Variants in PTPRD observed in about 807,000 individuals in gnomAD.
The protein encoded by PTPRD is protein tyrosine phosphatase receptor type D, also known as receptor-type tyrosine-protein phosphatase delta.
A neutral mutation model predicts 214.5 loss-of-function variants in PTPRD; 34 were observed. The observed-to-expected ratio is 0.16, with a 90% confidence interval of 0.12 to 0.21. The LOEUF is 0.21. PTPRD is among the 10% of genes least tolerant of loss of function. The probability of loss-of-function intolerance (pLI) is 1.00; values close to 1 mark genes in which losing one functional copy is unlikely to be tolerated. For missense variants in PTPRD, 2,545 were observed against 2,398.7 expected, an observed-to-expected ratio of 1.06 and a Z score of -1.27; for synonymous variants, 1,128 against 845.7, an observed-to-expected ratio of 1.33 and a Z score of -5.79.
intron 3 of PTPRD, among the ~76,000 whole-genome samples, chr9:10,245,472 T>C (rs945663181): frequency 6.6e-6 from 1 of 152,182 alleles, no homozygotes; most frequent in Non-Finnish European, 1.5e-5. Flanking sequence ...GTTCAATTAA[T>C]ACTCACTGAT....
chr9:9,986,504 G>A (rs1167795342), intron 4 of PTPRD, among the ~76,000 whole-genome samples: 1 of 152,078 alleles, frequency 6.6e-6, no homozygotes, highest in African/African-American at 2.4e-5. Context: ...GTATGCATGT[G>A]TAAACCCAAA....
chr9:9,735,601 T>C (rs1218708696), intron 6 of PTPRD, among the ~76,000 whole-genome samples: 2 of 152,090 alleles, frequency 1.3e-5, no homozygotes, highest in African/African-American at 4.8e-5. Context: ...TGGTAACAAA[T>C]CATCCCGAAG....
At chr9:10,286,910 T>A (rs1428099672) in intron 3 of PTPRD, among the ~76,000 whole-genome samples, 1 of 152,178 alleles carries the variant, frequency 6.6e-6, no homozygotes, top group Non-Finnish European at 1.5e-5. Flanking sequence ...ACATGTTTGT[T>A]GTTAATGTTG....
chr9:9,202,335 C>T (rs1020675173), intron 9 of PTPRD, among the ~76,000 whole-genome samples: 1 of 152,182 alleles, frequency 6.6e-6, no homozygotes, highest in Admixed American at 6.5e-5. Flanking sequence ...GAATACTTCT[C>T]TTTAATATCC....
intron 12 of PTPRD, among the ~76,000 whole-genome samples, chr9:8,728,082 T>C (rs904907013): frequency 6.6e-6 from 1 of 151,690 alleles, no homozygotes; most frequent in Non-Finnish European, 1.5e-5. Context: ...ACCCTGTCTC[T>C]ACTAAAAACA....
chr9:9,110,536 T>C (rs1293574710), intron 10 of PTPRD, among the ~76,000 whole-genome samples: 2 of 152,156 alleles, frequency 1.3e-5, no homozygotes, highest in Non-Finnish European at 2.9e-5. Flanking sequence ...TTGCTAACCA[T>C]ACCCAGTCCC....
chr9:10,277,586 A>G (rs111465616), intron 3 of PTPRD, among the ~76,000 whole-genome samples: 1,873 of 152,202 alleles, frequency 0.012, 38 homozygotes, highest in African/African-American at 0.042. Flanking sequence ...AAAATTCAAT[A>G]AATACTGGCT....
intron 2 of PTPRD, among the ~76,000 whole-genome samples, chr9:10,475,108 A>G (rs1192420235): frequency 6.6e-6 from 1 of 152,184 alleles, no homozygotes; most frequent in Non-Finnish European, 1.5e-5. Flanking sequence ...TTCAAAAGCT[A>G]GCAGAAGACA....
intron 10 of PTPRD, among the ~76,000 whole-genome samples, chr9:9,149,020 T>C (rs186977761): frequency 6.6e-6 from 1 of 152,280 alleles, no homozygotes; most frequent in East Asian, 1.9e-4. Flanking sequence ...ATTGTAAACT[T>C]ATAATGAAGA....
chr9:8,637,079 T>TG (rs1235078254), intron 12 of PTPRD, among the ~76,000 whole-genome samples: 1 of 152,148 alleles, frequency 6.6e-6, no homozygotes, highest in Non-Finnish European at 1.5e-5. Flanking sequence ...TGCTGAAATC[T>TG]GTATTAAGGT....
At chr9:8,638,625 G>A (rs2096500240) in intron 12 of PTPRD, among the ~76,000 whole-genome samples, 1 of 152,078 alleles carries the variant, frequency 6.6e-6, no homozygotes, top group African/African-American at 2.4e-5. Context: ...TTGCAATGCT[G>A]GTCCTGGAGA....
At position 9,922,823 on chromosome 9, in the gene PTPRD, T is replaced by A. The variant is rs527549953; in HGVS notation, c.-368+15684A>T. Among the ~76,000 whole-genome samples, 14 of 150,440 alleles carry A rather than the reference T, an allele frequency of 9.3e-5. No homozygotes were observed. The South Asian group carries it at 1.3e-3, about 14-fold the overall frequency. ...TGAAAGGCAAGAAAAGCTGGAGAGG[T>A]TTTCCAGATTGAAGGGGACTGAAGA... On this transcript the variant is annotated intron_variant, in intron 5 of 45. Coordinates refer to ENST00000381196, the MANE Select transcript of PTPRD (RefSeq NM_002839.4).
intron 8 of PTPRD, among the ~76,000 whole-genome samples, chr9:9,558,039 T>G (rs772837396): frequency 1.3e-5 from 2 of 152,162 alleles, no homozygotes; most frequent in Non-Finnish European, 2.9e-5. Flanking sequence ...GTCAGCAGCT[T>G]AACTCTTTCT....
At chr9:9,686,106 G>A (rs181826193) in intron 7 of PTPRD, among the ~76,000 whole-genome samples, 87 of 151,358 alleles carry the variant, frequency 5.7e-4, no homozygotes, top group African/African-American at 2.1e-3. Context: ...TGGAGAACTA[G>A]ATGCTCTATA....
At chr9:9,985,067 C>T (rs2095663715) in intron 4 of PTPRD, among the ~76,000 whole-genome samples, 2 of 152,102 alleles carry the variant, frequency 1.3e-5, no homozygotes, top group South Asian at 4.1e-4. Flanking sequence ...AAGACATATA[C>T]CCACATGCAA....
intron 34 of PTPRD, 96 bp downstream of exon 34, chr9:8,449,629 C>T (rs2133444444): frequency 9.0e-7 from 1 of 1,114,250 alleles, no homozygotes; most frequent in Admixed American, 2.3e-5. Flanking sequence ...AACAAAATGG[C>T]TCAAAATAAA....
intron 10 of PTPRD, among the ~76,000 whole-genome samples, chr9:9,170,400 G>C (rs1485889175): frequency 6.6e-6 from 1 of 152,150 alleles, no homozygotes; most frequent in African/African-American, 2.4e-5. Flanking sequence ...TGGGTGGTTT[G>C]ATTTTAGGGA....
rs568460353 is a variant in PTPRD, at chr9:8,748,651, C to T, written c.-103-14705G>A. On this transcript the variant is annotated intron_variant, in intron 11 of 45. Transcript: ENST00000381196. ...CACTGGCCAGGCGTGGTGGCTTATG[C>T]ATGTAATCCCAACATTTTGAACAGC... Among the ~76,000 whole-genome samples the T allele has an allele frequency of 1.4e-4, 22 of 152,008 alleles. 1 individual carries two copies. The South Asian group carries it at 4.4e-3, about 30-fold the overall frequency.
chr9:9,004,163 A>G (rs1183977881), intron 11 of PTPRD, among the ~76,000 whole-genome samples: 4 of 152,004 alleles, frequency 2.6e-5, no homozygotes, highest in African/African-American at 9.7e-5. Flanking sequence ...GAACTCCTCA[A>G]ATTATTGTAT....
Sources: allele counts gnomAD v4.1 joint callset (sites outside exome capture counted in the v4.1 genomes callset), GRCh38; gene constraint gnomAD v4.1.1; transcripts MANE v1.5; gene names NCBI Gene and HGNC (gene_info 2026-07-23, HGNC 2026-07-21).